ADGRL3: variants seen among roughly 807,000 people sequenced by gnomAD.
ADGRL3 encodes the protein adhesion G protein-coupled receptor L3.
ADGRL3 carries 62 observed loss-of-function variants against 153.5 expected under a neutral mutation model. The observed-to-expected ratio is 0.40, with a 90% CI of 0.33 to 0.50. The LOEUF is 0.50. ADGRL3 is among the 20% of genes least tolerant of loss of function. The pLI is 0.47. For synonymous variants in ADGRL3, 710 were observed against 672.5 expected, an observed-to-expected ratio of 1.06 and a Z score of -0.86; for missense variants, 1,641 against 1,859.4, an observed-to-expected ratio of 0.88 and a Z score of 2.16.
chr4:61,402,092 A>G (rs1244256626), intron 2 of ADGRL3, among the ~76,000 whole-genome samples: 1 of 152,054 alleles, frequency 6.6e-6, no homozygotes, highest in African/African-American at 2.4e-5. Flanking sequence ...TAATTTTCAC[A>G]TGTCATGAAA....
chr4:61,334,795 T>A (rs2095644433), intron 1 of ADGRL3, among the ~76,000 whole-genome samples: 1 of 152,130 alleles, frequency 6.6e-6, no homozygotes, highest in East Asian at 1.9e-4. Flanking sequence ...AATTGAGTTA[T>A]ATATGTGAGA....
chr4:62,022,565 G>C (rs906469672), intron 21 of ADGRL3, among the ~76,000 whole-genome samples: 4 of 152,188 alleles, frequency 2.6e-5, no homozygotes, highest in Non-Finnish European at 2.9e-5. Context: ...TGGCTTCAAG[G>C]CTTCTAATCC....
intron 8 of ADGRL3, among the ~76,000 whole-genome samples, chr4:61,752,981 T>C (rs1397917085): frequency 1.3e-5 from 2 of 152,108 alleles, no homozygotes; most frequent in Middle Eastern, 3.4e-3. Context: ...TTTGGGGGTA[T>C]TGTGTACTGA....
intron 2 of ADGRL3, among the ~76,000 whole-genome samples, chr4:61,455,594 T>C (rs2097725446): frequency 6.6e-6 from 1 of 152,082 alleles, no homozygotes; most frequent in South Asian, 2.1e-4. Context: ...ATGAGTATAA[T>C]ATGTAGTATT....
chr4:61,358,714 T>C (rs1274891183), intron 1 of ADGRL3, among the ~76,000 whole-genome samples: 1 of 152,144 alleles, frequency 6.6e-6, no homozygotes, highest in Non-Finnish European at 1.5e-5. Flanking sequence ...CCCTTAGTTT[T>C]CTTCAATGAT....
chr4:61,237,691 A>G (rs564746722), intron 1 of ADGRL3, among the ~76,000 whole-genome samples: 5 of 152,200 alleles, frequency 3.3e-5, no homozygotes, highest in African/African-American at 1.2e-4. Context: ...AGTTATTAGT[A>G]TTCTGGAATT....
intron 6 of ADGRL3, among the ~76,000 whole-genome samples, chr4:61,678,727 T>G (rs917464263): frequency 1.3e-5 from 2 of 151,984 alleles, no homozygotes; most frequent in African/African-American, 4.8e-5. Context: ...TTTTATTAAA[T>G]AAGAATTATA....
At chr4:61,372,347 C>G (rs2096543723) in intron 1 of ADGRL3, among the ~76,000 whole-genome samples, 1 of 152,004 alleles carries the variant, frequency 6.6e-6, no homozygotes. Flanking sequence ...TGTTTTTTCC[C>G]CATCTTTGTG....
intron 1 of ADGRL3, among the ~76,000 whole-genome samples, chr4:61,382,047 G>A (rs1445361182): frequency 4.6e-5 from 7 of 151,810 alleles, no homozygotes; most frequent in Non-Finnish European, 1.0e-4. Context: ...TTATATCATA[G>A]TATATCTTAT....
chr4:61,947,686 C>T (rs1369774462), intron 16 of ADGRL3, among the ~76,000 whole-genome samples: 1 of 152,140 alleles, frequency 6.6e-6, no homozygotes, highest in African/African-American at 2.4e-5. Flanking sequence ...TTTGATATTT[C>T]AAGCAATTAT....
intron 11 of ADGRL3, among the ~76,000 whole-genome samples, chr4:61,907,217 C>T (rs1246454668): frequency 3.3e-5 from 5 of 151,960 alleles, no homozygotes; most frequent in Non-Finnish European, 5.9e-5. Context: ...AGGAATGCAT[C>T]CACCCTAGGT....
chr4:61,845,711 T>A (rs1323366643), intron 9 of ADGRL3, among the ~76,000 whole-genome samples: 2 of 151,992 alleles, frequency 1.3e-5, no homozygotes, highest in Non-Finnish European at 2.9e-5. Flanking sequence ...CTAAGTTTTA[T>A]TTGATGTCCC....
intron 8 of ADGRL3, among the ~76,000 whole-genome samples, chr4:61,799,991 A>C (rs2097471835): frequency 6.6e-6 from 1 of 152,210 alleles, no homozygotes; most frequent in Non-Finnish European, 1.5e-5. Flanking sequence ...GGGTTATGTA[A>C]CTGCAATTAG....
At chr4:62,042,570 C>T (rs1038974503) in intron 24 of ADGRL3, among the ~76,000 whole-genome samples, 2 of 151,750 alleles carry the variant, frequency 1.3e-5, no homozygotes, top group Non-Finnish European at 2.9e-5. Flanking sequence ...GCAATTAGAG[C>T]AGACAGGGGA....
At chr4:61,787,912 A>T (rs1385530909) in intron 8 of ADGRL3, among the ~76,000 whole-genome samples, 1 of 130,102 alleles carries the variant, frequency 7.7e-6, no homozygotes, top group South Asian at 2.5e-4. Flanking sequence ...ACTGGAAAAT[A>T]ACTTAGAAAA....
chr4:61,449,028 A>G (rs2097640197), intron 2 of ADGRL3, among the ~76,000 whole-genome samples: 1 of 152,118 alleles, frequency 6.6e-6, no homozygotes, highest in African/African-American at 2.4e-5. Context: ...TAAGAATGAT[A>G]TATTTTATTT....
chr4:61,689,613 C>T (rs982694844), intron 6 of ADGRL3, among the ~76,000 whole-genome samples: 12 of 152,090 alleles, frequency 7.9e-5, no homozygotes, highest in African/African-American at 2.9e-4. Context: ...TTAAGGCTTA[C>T]TTTCAAAAAT....
At chr4:61,821,804 A>G (rs2097758628) in intron 9 of ADGRL3, among the ~76,000 whole-genome samples, 1 of 152,224 alleles carries the variant, frequency 6.6e-6, no homozygotes, top group African/African-American at 2.4e-5. Flanking sequence ...GTGCAAATTG[A>G]ATTATATTCA....
chr4:61,690,813 C>T (rs1341851853), intron 6 of ADGRL3, among the ~76,000 whole-genome samples: 1 of 151,854 alleles, frequency 6.6e-6, no homozygotes, highest in African/African-American at 2.4e-5. Flanking sequence ...AGTGTTTGGT[C>T]TTGTCCTGCT....
Sources: gnomAD v4.1 joint callset for allele counts (sites outside exome capture counted in the v4.1 genomes callset) on GRCh38, gnomAD v4.1.1 for gene constraint, MANE v1.5 for transcripts, NCBI Gene and HGNC (gene_info 2026-07-23, HGNC 2026-07-21) for gene names.